Variants in JAM2 observed in about 807,000 individuals in gnomAD.
JAM2 encodes junctional adhesion molecule B.
In JAM2, 17 loss-of-function variants were observed where a neutral mutation model predicts 42.0. The ratio of observed to expected loss-of-function variants is 0.40; its 90% CI spans 0.28 to 0.61. The LOEUF (loss-of-function observed/expected upper bound fraction) is 0.61. Among genes scored for constraint, JAM2 ranks in the 20% least tolerant of loss-of-function variants. The pLI, the probability that JAM2 is intolerant of heterozygous loss-of-function variation, is 0.37. For missense variants in JAM2, 319 were observed against 358.3 expected, an observed-to-expected ratio of 0.89 and a Z score of 0.89; for synonymous variants, 118 against 128.6, an observed-to-expected ratio of 0.92 and a Z score of 0.56.
rs144533378 is a variant in JAM2 at position 25,703,162 on chromosome 21, G to A, written c.697+893G>A. Among the ~76,000 whole-genome samples the A allele has an allele frequency of 1.7e-3, 258 of 152,214 alleles. 1 individual carries two copies. The Middle Eastern group carries it at 0.02, about 12-fold the overall frequency. On this transcript the variant is annotated intron_variant, in intron 6 of 9. Coordinates refer to ENST00000480456, the MANE Select transcript of JAM2 (RefSeq NM_021219.4). Reference sequence around the variant, plus strand: ...CCACCGTACCCGGCCTGTCCTCATGGTTTTTACCATTACCTTGTCCTACCA... The same window carrying A: ...CCACCGTACCCGGCCTGTCCTCATGATTTTTACCATTACCTTGTCCTACCA...
intron 1 of JAM2, among the ~76,000 whole-genome samples, chr21:25,655,215 C>T (rs1352097885): frequency 2.0e-5 from 3 of 151,616 alleles, no homozygotes; most frequent in Admixed American, 1.3e-4. Context: ...TAACTTTAAT[C>T]TGGATGATGA....
At chr21:25,680,121 G>A (rs905564550) in intron 1 of JAM2, among the ~76,000 whole-genome samples, 3 of 152,140 alleles carry the variant, frequency 2.0e-5, no homozygotes, top group African/African-American at 7.2e-5. Context: ...GGTCCATCAA[G>A]GTCCTTGTCC....
chr21:25,685,750 T>C (rs2033738524), intron 2 of JAM2, among the ~76,000 whole-genome samples: 1 of 151,932 alleles, frequency 6.6e-6, no homozygotes, highest in Non-Finnish European at 1.5e-5. Context: ...CCAGGATGGA[T>C]AAACAGGGCT....
At chr21:25,699,845 T>C (rs960448550) in intron 5 of JAM2, among the ~76,000 whole-genome samples, 1 of 151,452 alleles carries the variant, frequency 6.6e-6, no homozygotes, top group Non-Finnish European at 1.5e-5. Flanking sequence ...AGCTGTCTTC[T>C]GGCCTGGAAA....
rs141276117 is a variant in JAM2 at position 25,714,244 on chromosome 21, C to T, written c.865-396C>T. 1.2e-3 allele frequency: 1,539 copies of T among 1,297,802 alleles called. 22 individuals are homozygous for T. In the African/African-American group the frequency reaches 0.022, roughly 18 times the overall value. The allele number at this position is 1,297,802 out of a possible 1,614,324, so 80.4% of individuals were successfully genotyped here. Reference sequence around the variant, plus strand: ...GGTTTTGGCCAGGTGCAGTGGCTCACGCCTGTAATCCCAGCACTTTGGAAG... The same window carrying T: ...GGTTTTGGCCAGGTGCAGTGGCTCATGCCTGTAATCCCAGCACTTTGGAAG... On this transcript the variant is annotated intron_variant, in intron 9 of 9. Transcript: ENST00000480456.
chr21:25,706,174 TTTTTG>T, intron 7 of JAM2, 88 bp downstream of exon 7: 3 of 884,270 alleles, frequency 3.4e-6, no homozygotes, highest in Non-Finnish European at 5.6e-6. Flanking sequence ...GGAAGTTGTT[TTTTTG>T]TTTGTTTGTT....
At chr21:25,647,534 G>A in intron 1 of JAM2, among the ~76,000 whole-genome samples, 1 of 152,148 alleles carries the variant, frequency 6.6e-6, no homozygotes, top group South Asian at 2.1e-4. Context: ...CTACAAGCAG[G>A]ACAGAAGATA....
In JAM2 at chr21:25,655,483, CT is replaced by C. The variant is rs35503919; in HGVS notation, c.67+15610del. 1.0e-3 allele frequency among the ~76,000 whole-genome samples: 130 copies of C among 130,050 alleles called. 1 individual carries two copies. Among genetic ancestry groups the C allele is most frequent in the Middle Eastern group, 7.6e-3 (2 of 262 alleles). 85.3% of individuals were successfully genotyped at this position (130,050 alleles called of 152,430 possible). The stretch of plus-strand genomic sequence containing the variant: ...ACTTGAAATATTTGAAACATCAGCT[CT>C]TTTTTTTTTTTTTTGAGACGGAGTC... On this transcript the variant is annotated intron_variant, in intron 1 of 9. Transcript: ENST00000480456.
rs546833672 is a variant in JAM2, at chr21:25,639,542, G to T, written c.-280G>T. On this transcript the variant is annotated 5_prime_UTR_variant, in exon 1 of 10. Transcript: ENST00000480456. ...GCCCCCTCGCTAGGACCCGGCGGAC[G>T]CCTCGTCTGGTTTTCACGCCCTCTA... is the stretch of plus-strand genomic sequence containing the variant. 530 of 348,878 alleles carry T rather than the reference G, an allele frequency of 1.5e-3. No homozygotes were observed. Among genetic ancestry groups the T allele is most frequent in the Non-Finnish European group, 2.4e-3 (464 of 194,804 alleles). 21.6% of individuals were successfully genotyped at this position (348,878 alleles called of 1,614,324 possible). A position where few individuals can be genotyped will look rare whatever the true frequency, so the allele number is the denominator to read the frequency against.
intron 1 of JAM2, among the ~76,000 whole-genome samples, chr21:25,667,974 A>G (rs761422892): frequency 2.4e-4 from 36 of 152,338 alleles, no homozygotes; most frequent in Admixed American, 4.6e-4. Context: ...GAGCTGAAAT[A>G]TTTAATAGAG....
chr21:25,661,437 T>C (rs554372354), intron 1 of JAM2, among the ~76,000 whole-genome samples: 194 of 152,236 alleles, frequency 1.3e-3, no homozygotes, highest in African/African-American at 4.5e-3. Context: ...CACACCAGCC[T>C]GGGTGACAGA....
intron 1 of JAM2, among the ~76,000 whole-genome samples, chr21:25,653,247 A>G (rs1460587582): frequency 6.6e-6 from 1 of 152,222 alleles, no homozygotes; most frequent in Non-Finnish European, 1.5e-5. Flanking sequence ...AAACTATTCT[A>G]CAACCCCTTG....
At chr21:25,642,975 C>T (rs1192092167) in intron 1 of JAM2, among the ~76,000 whole-genome samples, 1 of 152,210 alleles carries the variant, frequency 6.6e-6, no homozygotes, top group Non-Finnish European at 1.5e-5. Context: ...CTCAGGGTGA[C>T]CTCCCATGGC....
At chr21:25,702,794 TTTTC>T (rs2034194258) in intron 6 of JAM2, among the ~76,000 whole-genome samples, 1 of 152,166 alleles carries the variant, frequency 6.6e-6, no homozygotes, top group Non-Finnish European at 1.5e-5. Flanking sequence ...TAAGGCATTG[TTTTC>T]TTTGTTTCCT....
At chr21:25,695,980 C>G (rs1306336249) in intron 4 of JAM2, among the ~76,000 whole-genome samples, 2 of 152,038 alleles carry the variant, frequency 1.3e-5, no homozygotes, top group South Asian at 4.2e-4. Flanking sequence ...ACTTCCCAGA[C>G]GGGGTGGCGG....
At position 25,682,809 on chromosome 21, in the gene JAM2, G is replaced by C. The variant is rs570468901; in HGVS notation, c.68-1074G>C. On this transcript the variant is annotated intron_variant, in intron 1 of 9. Coordinates refer to ENST00000480456, the MANE Select transcript of JAM2 (RefSeq NM_021219.4). The stretch of plus-strand genomic sequence containing the variant: ...GGATGGATGGGGAGCTGGAAGAAGG[G>C]ATGGAGTGGGAAGATGGTCTTTTCC... 9.2e-5 allele frequency among the ~76,000 whole-genome samples: 14 copies of C among 152,214 alleles called. No individual in the cohort carries two copies. The South Asian group carries it at 2.3e-3, about 25-fold the overall frequency.
intron 4 of JAM2, 49 bp downstream of exon 4, chr21:25,693,957 A>T: frequency 6.3e-7 from 1 of 1,585,210 alleles, no homozygotes; most frequent in Non-Finnish European, 8.6e-7. Flanking sequence ...CTTCTCCACC[A>T]CCCAGCCCTG....
intron 9 of JAM2, chr21:25,714,226 G>A (rs2034437037): frequency 1.5e-6 from 2 of 1,301,590 alleles, no homozygotes; most frequent in Non-Finnish European, 2.0e-6. Context: ...ACTGGTTTTG[G>A]CCAGGTGCAG....
At chr21:25,657,959 T>C (rs1243699306) in intron 1 of JAM2, among the ~76,000 whole-genome samples, 6 of 152,210 alleles carry the variant, frequency 3.9e-5, no homozygotes, top group Non-Finnish European at 5.9e-5. Context: ...CTGTATAGCA[T>C]GTTATAAACT....
Sources: allele counts gnomAD v4.1 joint callset (sites outside exome capture counted in the v4.1 genomes callset), GRCh38; gene constraint gnomAD v4.1.1; transcripts MANE v1.5; gene names NCBI Gene and HGNC (gene_info 2026-07-23, HGNC 2026-07-21).